The following PLA2R1 variants were observed in gnomAD, a reference collection of about 807,000 sequenced individuals.
PLA2R1 encodes secretory phospholipase A2 receptor.
A neutral mutation model predicts 195.9 loss-of-function variants in PLA2R1; 158 were observed. That is an observed-to-expected ratio of 0.81 (90% CI 0.71 to 0.92). The LOEUF (loss-of-function observed/expected upper bound fraction) is 0.92, where lower values mean the gene tolerates loss of function less well. Ranked by LOEUF, PLA2R1 falls within the 40% of genes least tolerant of loss-of-function variation. The pLI is 0.00. For synonymous variants in PLA2R1, 586 were observed against 598.2 expected, an observed-to-expected ratio of 0.98 and a Z score of 0.30; for missense variants, 1,626 against 1,764.6, an observed-to-expected ratio of 0.92 and a Z score of 1.41.
At chr2:159,958,229 T>C (rs1688227196) in intron 20 of PLA2R1, among the ~76,000 whole-genome samples, 1 of 151,936 alleles carries the variant, frequency 6.6e-6, no homozygotes, top group Non-Finnish European at 1.5e-5. Flanking sequence ...GATCTGATTG[T>C]TTAAAAGTCT....
At chr2:159,960,010 G>C (rs1215597760) in intron 20 of PLA2R1, among the ~76,000 whole-genome samples, 1 of 152,064 alleles carries the variant, frequency 6.6e-6, no homozygotes, top group Non-Finnish European at 1.5e-5. Flanking sequence ...ATTTGGTCCT[G>C]GTCACGTCCT....
chr2:159,924,734 G>T, the PLA2R1 span, among the ~76,000 whole-genome samples: 6 of 150,782 alleles, frequency 4.0e-5, no homozygotes, highest in Admixed American at 2.0e-4. Flanking sequence ...GGGGCTGGGG[G>T]GGGGGCGGTG....
rs760898102 is a variant in PLA2R1 at position 160,033,062 on chromosome 2, G to A, written c.738C>T (p.Asn246=). 6.2e-7 allele frequency: 1 copy of A among 1,613,394 alleles called. No individual in the cohort carries two copies. Among genetic ancestry groups the A allele is most frequent in the Admixed American group, 1.7e-5 (1 of 59,948 alleles). ...DLNSHICYQF[N]LLSSLSWSEA... Reference sequence around the variant, plus strand: ...CACTCCAAGAGAGAGATGAAAGCAGGTTGAACTGGTAGCAAATGTGTGAAT... The same window carrying A: ...CACTCCAAGAGAGAGATGAAAGCAGATTGAACTGGTAGCAAATGTGTGAAT... Residue 246 remains asparagine (N), a synonymous_variant, in exon 4 of 30, where the codon AAC becomes AAT. Transcript: ENST00000283243.
chr2:160,023,446 A>T (rs926511269), intron 6 of PLA2R1, among the ~76,000 whole-genome samples: 10 of 152,180 alleles, frequency 6.6e-5, no homozygotes, highest in Admixed American at 2.0e-4. Flanking sequence ...CAGTGCCATG[A>T]CAGTTTACAA....
intron 3 of PLA2R1, among the ~76,000 whole-genome samples, chr2:160,035,348 A>G (rs575443180): frequency 1.3e-5 from 2 of 152,306 alleles, no homozygotes; most frequent in South Asian, 4.1e-4. Flanking sequence ...TTGGCAGAAG[A>G]GTCTCTTTGC....
At position 160,049,084 on chromosome 2, in the gene PLA2R1, G is replaced by A. The variant is rs535691813; in HGVS notation, c.110-3927C>T. On this transcript the variant is annotated intron_variant, in intron 1 of 29. Transcript: ENST00000283243. ...TCTCGATCTCCTGACCTCGTGATCC[G>A]CCCGCCTCGGCCTCCCAAAGTGCTG... Among the ~76,000 whole-genome samples the A allele has an allele frequency of 9.8e-3, 1,488 of 151,900 alleles. 12 individuals carry two copies. Among genetic ancestry groups the A allele is most frequent in the Non-Finnish European group, 0.015 (989 of 67,922 alleles).
At chr2:159,948,546 G>A (rs1456604963) in intron 25 of PLA2R1, among the ~76,000 whole-genome samples, 2 of 149,096 alleles carry the variant, frequency 1.3e-5, no homozygotes, top group Non-Finnish European at 3.0e-5. Flanking sequence ...CTTACAAGTT[G>A]AGAAGTTTCA....
chr2:159,968,542 ACTCT>A (rs1688938341), intron 19 of PLA2R1, among the ~76,000 whole-genome samples: 1 of 152,112 alleles, frequency 6.6e-6, no homozygotes, highest in South Asian at 2.1e-4. Flanking sequence ...TCCTTTCCTA[ACTCT>A]CTGCAGAGGC....
intron 10 of PLA2R1, among the ~76,000 whole-genome samples, chr2:160,009,237 C>T (rs924308105): frequency 7.9e-5 from 12 of 152,294 alleles, no homozygotes; most frequent in Admixed American, 2.0e-4. Flanking sequence ...AGCAGGGACT[C>T]GAAGGGTATT....
rs1393447703 is a variant in PLA2R1, at chr2:159,947,446, C to G, written c.3823G>C (p.Ala1275Pro). The G allele has an allele frequency of 6.2e-7, 1 of 1,605,304 alleles. No individual in the cohort carries two copies. ...TCCTTTTTGCAAAATTCATGAGCAG[C>G]CTCAAAACTCATACTGTCTAGGACT... ...STVLDSMSFEAAHEFCKKEGS... is the reference protein window; with the variant it reads ...STVLDSMSFEPAHEFCKKEGS... Residue 1275 changes from alanine (A) to proline (P), a missense_variant, in exon 26 of 30, where the codon GCT (alanine) becomes CCT (proline). By Grantham distance (27) the Ala-to-Pro change is conservative. Transcript: ENST00000283243.
At chr2:160,038,890 C>A (rs981542730) in intron 3 of PLA2R1, among the ~76,000 whole-genome samples, 4 of 151,964 alleles carry the variant, frequency 2.6e-5, no homozygotes, top group Non-Finnish European at 4.4e-5. Flanking sequence ...CGGGCGGCGA[C>A]AGAGTCTTGC....
chr2:159,969,089 G>GA (rs1211369356), intron 19 of PLA2R1, among the ~76,000 whole-genome samples, 167 bp downstream of exon 19: 3 of 152,080 alleles, frequency 2.0e-5, no homozygotes, highest in East Asian at 1.9e-4. Flanking sequence ...GGATTGAACA[G>GA]AAAAAAATGG....
At chr2:160,049,276 C>T (rs571864714) in intron 1 of PLA2R1, among the ~76,000 whole-genome samples, 205 of 152,162 alleles carry the variant, frequency 1.3e-3, no homozygotes, top group Non-Finnish European at 2.1e-3. Flanking sequence ...CATAAGATAA[C>T]GTGTACTCTT....
chr2:159,993,948 C>G (rs1691023563), intron 11 of PLA2R1, among the ~76,000 whole-genome samples: 1 of 151,900 alleles, frequency 6.6e-6, no homozygotes. Flanking sequence ...AAAAATTGTA[C>G]CACGGGGTAA....
Position 160,005,770 on chromosome 2 carries a change from C to T in PLA2R1, c.1716G>A (p.Lys572=). The change falls in exon 11 of 30, where the codon AAG becomes AAA. Residue 572 remains lysine (K), a synonymous_variant. Coordinates refer to ENST00000283243, the MANE Select transcript of PLA2R1 (RefSeq NM_007366.5). ...GAAGAGCTATCCAAAAATAACTGTC[C>T]TTCATTTTTACCACACTACTGATCA... The part of the protein sequence containing the change: ...TSLISSVVKM[K]DSYFWIALQD... 4 of 1,612,262 alleles carry T rather than the reference C, an allele frequency of 2.5e-6. No homozygotes were observed. The highest frequency in any genetic ancestry group is 3.4e-6 in the Non-Finnish European group (4 of 1,178,302).
intron 17 of PLA2R1, among the ~76,000 whole-genome samples, chr2:159,971,282 G>A (rs1689157858): frequency 6.6e-6 from 1 of 152,134 alleles, no homozygotes; most frequent in African/African-American, 2.4e-5. Flanking sequence ...GATTGTATTA[G>A]TAATGTTGTA....
At chr2:160,013,679 C>CTCTCTCTCTCTCTCTCTCTCTCTG (rs1236740397) in intron 9 of PLA2R1, among the ~76,000 whole-genome samples, 16 of 63,978 alleles carry the variant, frequency 2.5e-4, no homozygotes, top group South Asian at 1.2e-3. Flanking sequence ...CTCTCTTTCT[C>CTCTCTCTCTCTCTCTCTCTCTCTG]TCTCTCTCTC....
intron 10 of PLA2R1, among the ~76,000 whole-genome samples, chr2:160,008,182 T>C (rs1692123085): frequency 6.6e-6 from 1 of 152,110 alleles, no homozygotes; most frequent in African/African-American, 2.4e-5. Flanking sequence ...GTTAGATGCC[T>C]GTAGTCCCAG....
chr2:159,989,671 T>C (rs570545783), intron 11 of PLA2R1, among the ~76,000 whole-genome samples: 1 of 152,290 alleles, frequency 6.6e-6, no homozygotes, highest in East Asian at 1.9e-4. Flanking sequence ...AATGAAATAA[T>C]GAACTGAAAA....
Sources: gnomAD v4.1 joint callset for allele counts (sites outside exome capture counted in the v4.1 genomes callset) on GRCh38, gnomAD v4.1.1 for gene constraint, MANE v1.5 for transcripts, NCBI Gene and HGNC (gene_info 2026-07-23, HGNC 2026-07-21) for gene names.